IQCM: variants seen among roughly 807,000 people sequenced by gnomAD.
IQCM encodes IQ motif containing M.
IQCM carries 45 observed loss-of-function variants against 57.6 expected under a neutral mutation model. The ratio of observed to expected loss-of-function variants is 0.78; its 90% CI spans 0.62 to 1.00. IQCM has a LOEUF of 1.00. IQCM is among the 50% of genes least tolerant of loss of function. IQCM has a pLI of 0.00. For missense variants in IQCM, 468 were observed against 511.6 expected (o/e 0.91, Z 0.82); for synonymous variants, 148 against 158.9 (o/e 0.93, Z 0.51).
intron 12 of IQCM, among the ~76,000 whole-genome samples, chr4:149,512,272 G>A (rs1014770404): frequency 2.0e-5 from 3 of 152,126 alleles, no homozygotes; most frequent in Non-Finnish European, 4.4e-5. Context: ...GGGGGGCAGT[G>A]TGGGAATGGG....
intron 2 of IQCM, among the ~76,000 whole-genome samples, chr4:149,780,740 G>C (rs915871324): frequency 6.6e-6 from 1 of 152,032 alleles, no homozygotes; most frequent in African/African-American, 2.4e-5. Flanking sequence ...TAGGGAGCAG[G>C]TCTAGAGGTG....
At chr4:149,522,072 G>C (rs1032669512) in intron 12 of IQCM, among the ~76,000 whole-genome samples, 1 of 152,186 alleles carries the variant, frequency 6.6e-6, no homozygotes, top group Admixed American at 6.5e-5. Context: ...CTCACTGGGG[G>C]TGTTACAGGG....
chr4:149,522,574 G>T (rs1745762855), intron 12 of IQCM, among the ~76,000 whole-genome samples: 1 of 152,098 alleles, frequency 6.6e-6, no homozygotes, highest in South Asian at 2.1e-4. Flanking sequence ...TGATTTAGTA[G>T]CCTAGAAGAT....
intron 5 of IQCM, among the ~76,000 whole-genome samples, chr4:149,727,390 A>C (rs1766046656): frequency 6.6e-6 from 1 of 152,068 alleles, no homozygotes; most frequent in Non-Finnish European, 1.5e-5. Context: ...GTCATCCTTC[A>C]TGCTGTCTTT....
chr4:149,488,780 G>C (rs888466863), intron 12 of IQCM, among the ~76,000 whole-genome samples: 1 of 152,046 alleles, frequency 6.6e-6, no homozygotes, highest in Non-Finnish European at 1.5e-5. Context: ...AGGCAGAGTA[G>C]GTAGATTAAG....
At chr4:149,354,682 G>A (rs1728834498) in intron 13 of IQCM, among the ~76,000 whole-genome samples, 1 of 152,002 alleles carries the variant, frequency 6.6e-6, no homozygotes, top group Non-Finnish European at 1.5e-5. Flanking sequence ...AAGGGCCCAA[G>A]TTCATGTTCT....
rs541320813 is a variant in IQCM at position 149,591,146 on chromosome 4, C to T, written c.682-3149G>A. 7.2e-4 allele frequency among the ~76,000 whole-genome samples: 109 copies of T among 152,184 alleles called. 1 individual carries two copies. In the Middle Eastern group the frequency reaches 0.014, roughly 19 times the overall value. On this transcript the variant is annotated intron_variant, in intron 8 of 13. Coordinates refer to ENST00000636793, the MANE Select transcript of IQCM (RefSeq NM_001363507.2). ...TATTTTCTCAAATCCCACAGTTTAA[C>T]TGGTACCAAGCTTCTGATAATTTAC... is the stretch of plus-strand genomic sequence containing the variant.
intron 8 of IQCM, among the ~76,000 whole-genome samples, chr4:149,609,412 C>T (rs1247460444): frequency 6.6e-6 from 1 of 151,730 alleles, no homozygotes; most frequent in Non-Finnish European, 1.5e-5. Flanking sequence ...TATGCTGATA[C>T]AAAAACCAGA....
chr4:149,408,964 C>T lies in IQCM; in HGVS notation c.1390+24432G>A, dbSNP rs967461845. 4.6e-5 allele frequency among the ~76,000 whole-genome samples: 7 copies of T among 152,150 alleles called. No individual in the cohort carries two copies. The East Asian group carries it at 1.4e-3, about 29-fold the overall frequency. On this transcript the variant is annotated intron_variant, in intron 13 of 13. Coordinates refer to ENST00000636793, the MANE Select transcript of IQCM (RefSeq NM_001363507.2). Reference sequence around the variant, plus strand: ...TCAACATTTTGTGTACACATCGCAACCTTTAACAAAATTACTTTCTGCAAA... The same window carrying T: ...TCAACATTTTGTGTACACATCGCAATCTTTAACAAAATTACTTTCTGCAAA...
chr4:149,517,114 G>GAAAAAAAAAAAAAA lies in IQCM; in HGVS notation c.1228+31327_1228+31340dup, dbSNP rs34555374. The stretch of plus-strand genomic sequence containing the variant: ...ATGAAGGTTTGGGTCACTCCACCAG[G>GAAAAAAAAAAAAAA]AAAAAAAAAAAAAAAAAAAAAGCCA... On this transcript the variant is annotated intron_variant, in intron 12 of 13. Transcript: ENST00000636793. 3.6e-5 allele frequency among the ~76,000 whole-genome samples: 3 copies of GAAAAAAAAAAAAAA among 83,898 alleles called. 1 individual carries two copies. The highest frequency in any genetic ancestry group is 1.0e-4 in the African/African-American group (2 of 19,862). 55.0% of individuals were successfully genotyped at this position (83,898 alleles called of 152,430 possible). A position where few individuals can be genotyped will look rare whatever the true frequency, so the allele number is the denominator to read the frequency against.
At chr4:149,794,455 T>G (rs968906779) in intron 2 of IQCM, among the ~76,000 whole-genome samples, 1 of 152,210 alleles carries the variant, frequency 6.6e-6, no homozygotes. Flanking sequence ...CAAGTATATA[T>G]AGTTTATGTT....
At chr4:149,778,211 C>T (rs890366598) in intron 2 of IQCM, among the ~76,000 whole-genome samples, 18 of 152,118 alleles carry the variant, frequency 1.2e-4, no homozygotes, top group African/African-American at 3.9e-4. Context: ...CCCATCTCTA[C>T]TAAAAATACA....
intron 5 of IQCM, among the ~76,000 whole-genome samples, chr4:149,721,798 C>T (rs937151768): frequency 1.3e-5 from 2 of 151,968 alleles, no homozygotes; most frequent in Non-Finnish European, 2.9e-5. Flanking sequence ...TTTTCCTTTG[C>T]GTAGATACCC....
At position 149,591,581 on chromosome 4, in the gene IQCM, T is replaced by C. The variant is rs1753177332; in HGVS notation, c.682-3584A>G. On this transcript the variant is annotated intron_variant, in intron 8 of 13. Coordinates refer to ENST00000636793, the MANE Select transcript of IQCM (RefSeq NM_001363507.2). Reference sequence around the variant, plus strand: ...CTCGTCATTTAGCATTAGGTATATCTCCTAATGCTATCCCTCCCCTCTCCT... The same window carrying C: ...CTCGTCATTTAGCATTAGGTATATCCCCTAATGCTATCCCTCCCCTCTCCT... Among the ~76,000 whole-genome samples, 3 of 151,970 alleles carry C rather than the reference T, an allele frequency of 2.0e-5. No individual in the cohort carries two copies. In the South Asian group the frequency reaches 6.2e-4, roughly 32 times the overall value.
At chr4:149,654,338 T>G (rs1048548243) in intron 7 of IQCM, among the ~76,000 whole-genome samples, 13 of 152,098 alleles carry the variant, frequency 8.5e-5, no homozygotes, top group Admixed American at 6.5e-4. Flanking sequence ...GCCATGGGGG[T>G]GGATCCCTCA....
chr4:149,691,413 G>T (rs1398294871), intron 5 of IQCM, among the ~76,000 whole-genome samples: 1 of 152,132 alleles, frequency 6.6e-6, no homozygotes, highest in Non-Finnish European at 1.5e-5. Context: ...ACTCCTGGGA[G>T]GGGAGCAGTG....
At chr4:149,399,475 GA>G (rs1235433272) in intron 13 of IQCM, among the ~76,000 whole-genome samples, 1 of 151,612 alleles carries the variant, frequency 6.6e-6, no homozygotes, top group Middle Eastern at 3.4e-3. Context: ...AACAAAACAA[GA>G]AAAAAAGAGT....
At chr4:149,682,044 TG>T in intron 7 of IQCM, 73 bp downstream of exon 7, 1 of 526,050 alleles carries the variant, frequency 1.9e-6, no homozygotes. Context: ...ACTAGCTCTT[TG>T]TTTTTGCATT....
chr4:149,623,860 G>A (rs776497700), intron 7 of IQCM, among the ~76,000 whole-genome samples: 19 of 151,898 alleles, frequency 1.3e-4, no homozygotes, highest in Admixed American at 8.5e-4. Context: ...AAGAGTAAAC[G>A]AATCTGAGGA....
Sources: allele counts gnomAD v4.1 joint callset (sites outside exome capture counted in the v4.1 genomes callset), GRCh38; gene constraint gnomAD v4.1.1; transcripts MANE v1.5; gene names NCBI Gene and HGNC (gene_info 2026-07-23, HGNC 2026-07-21).